NTN1: variants seen among roughly 807,000 people sequenced by gnomAD.
The protein encoded by NTN1 is netrin 1.
Under a neutral mutation model 54.2 loss-of-function variants are expected in NTN1, and 11 were observed. That is an observed-to-expected ratio of 0.20 (90% CI 0.13 to 0.34). The LOEUF (loss-of-function observed/expected upper bound fraction) is 0.34, where lower values mean the gene tolerates loss of function less well. Ranked by LOEUF, NTN1 falls within the 10% of genes least tolerant of loss-of-function variation. The pLI is 1.00. For synonymous variants in NTN1, 371 were observed against 382.0 expected (o/e 0.97, Z 0.33); for missense variants, 740 against 893.1 (o/e 0.83, Z 2.18).
rs1409205183 is a variant in NTN1 at position 9,221,910 on chromosome 17, C to T, written c.1486+668C>T. Among the ~76,000 whole-genome samples the T allele has an allele frequency of 6.6e-6, 1 of 152,116 alleles. No individual in the cohort carries two copies. Among genetic ancestry groups the T allele is most frequent in the African/African-American group, 2.4e-5 (1 of 41,418 alleles). On this transcript the variant is annotated intron_variant, in intron 6 of 6. Transcript: ENST00000173229. The surrounding 1 kb of genome is among the most constrained non-coding windows in gnomAD (Gnocchi z 4.5). The stretch of plus-strand genomic sequence containing the variant: ...GGTCTGGGAGCCTGCAGGAGGAGGG[C>T]CCCGCAGTGGCCAGCGGGCAGGTGT...
At chr17:9,017,708 C>A (rs2091834824), upstream of NTN1, among the ~76,000 whole-genome samples, 1 of 152,226 alleles carries the variant, frequency 6.6e-6, no homozygotes, top group South Asian at 2.1e-4. Flanking sequence ...GCGTTTTGAA[C>A]TCCAGTTTGC....
chr17:9,014,638 C>T, the NTN1 span, among the ~76,000 whole-genome samples: 19 of 152,238 alleles, frequency 1.2e-4, no homozygotes, highest in Admixed American at 1.0e-3. Context: ...CAGGCCACTG[C>T]TCACCCTCCT....
At chr17:9,194,053 T>C (rs1904555409) in intron 5 of NTN1, among the ~76,000 whole-genome samples, 1 of 148,752 alleles carries the variant, frequency 6.7e-6, no homozygotes, top group African/African-American at 2.5e-5. Context: ...CTGGCCAACA[T>C]AGTGAAACCC....
chr17:9,044,390 A>G (rs142885847), intron 2 of NTN1, among the ~76,000 whole-genome samples: 2,709 of 151,976 alleles, frequency 0.018, 87 homozygotes, highest in African/African-American at 0.062. Context: ...GTGTGCCACC[A>G]TGCCTGGCTA....
At chr17:9,130,873 C>G (rs571909924) in intron 2 of NTN1, among the ~76,000 whole-genome samples, 2 of 152,354 alleles carry the variant, frequency 1.3e-5, no homozygotes, top group South Asian at 4.1e-4. Flanking sequence ...CACATGCATT[C>G]TCTCTTGATT....
chr17:9,162,708 A>C, intron 2 of NTN1, 105 bp from the exon 3 acceptor site: 1 of 1,044,536 alleles, frequency 9.6e-7, no homozygotes, highest in Non-Finnish European at 1.4e-6. Context: ...TGGCTCTGCT[A>C]GTGGAGAAGG....
chr17:9,027,381 G>T (rs2091874682), intron 2 of NTN1, among the ~76,000 whole-genome samples: 2 of 152,158 alleles, frequency 1.3e-5, no homozygotes, highest in Admixed American at 6.5e-5. Flanking sequence ...TAGAGATGAG[G>T]AAACCATGGC....
chr17:9,227,130 A>G lies in NTN1; in HGVS notation c.1486+5888A>G, dbSNP rs371031174. ...CCTCCTCCTGTCTGCGCTGCCTCCC[A>G]CGTCTCACACAACCGCTGTGCTCAC... On this transcript the variant is annotated intron_variant, in intron 6 of 6. Transcript: ENST00000173229. Among the ~76,000 whole-genome samples, 120 of 151,876 alleles carry G rather than the reference A, an allele frequency of 7.9e-4. 1 individual carries two copies. Among genetic ancestry groups the G allele is most frequent in the African/African-American group, 2.5e-3 (103 of 41,342 alleles).
In NTN1 at chr17:9,243,661, C is replaced by CGTTTCTTCCCA. The variant is rs1906306179; in HGVS notation, c.*3694_*3704dup. 1 of 152,278 alleles carries CGTTTCTTCCCA rather than the reference C, an allele frequency of 6.6e-6. No individual in the cohort carries two copies. Among genetic ancestry groups the CGTTTCTTCCCA allele is most frequent in the South Asian group, 2.1e-4 (1 of 4,812 alleles). The allele number at this position is 152,278 out of a possible 1,614,324, so 9.4% of individuals were successfully genotyped here. On this transcript the variant is annotated 3_prime_UTR_variant, in exon 7 of 7. Coordinates refer to ENST00000173229, the MANE Select transcript of NTN1 (RefSeq NM_004822.3). ...AACCAGTCCCACTCCTGTCATTGGA[C>CGTTTCTTCCCA]GTTTCTTCCCATTCCCTCCTCCCAA...
intron 5 of NTN1, among the ~76,000 whole-genome samples, chr17:9,200,042 T>C (rs560275561): frequency 2.0e-5 from 3 of 152,360 alleles, no homozygotes; most frequent in East Asian, 3.9e-4. Context: ...CTCATTGGCA[T>C]TGGCTTAACC....
chr17:9,079,247 T>C (rs1567705203), intron 2 of NTN1, among the ~76,000 whole-genome samples: 1 of 152,288 alleles, frequency 6.6e-6, no homozygotes, highest in East Asian at 1.9e-4. Flanking sequence ...GGGTCACCAT[T>C]CTTGCGGGGT....
intron 2 of NTN1, among the ~76,000 whole-genome samples, chr17:9,132,588 C>T (rs745636138): frequency 1.3e-5 from 2 of 152,144 alleles, no homozygotes; most frequent in Non-Finnish European, 2.9e-5. Flanking sequence ...AAGAATGACA[C>T]GTCCGGCCAG....
intron 2 of NTN1, among the ~76,000 whole-genome samples, chr17:9,046,061 A>T (rs966603848): frequency 6.6e-6 from 1 of 152,226 alleles, no homozygotes; most frequent in African/African-American, 2.4e-5. Context: ...ACTTTATCAA[A>T]ATTTAAAACT....
At chr17:9,153,621 C>T (rs146261019) in intron 2 of NTN1, among the ~76,000 whole-genome samples, 12 of 152,254 alleles carry the variant, frequency 7.9e-5, no homozygotes, top group East Asian at 7.7e-4. Context: ...GAGGGGGCCA[C>T]GGTCTGTTGA....
intron 2 of NTN1, among the ~76,000 whole-genome samples, chr17:9,102,328 A>G (rs917038082): frequency 1.5e-5 from 1 of 68,158 alleles, no homozygotes; most frequent in Non-Finnish European, 3.3e-5. Context: ...GGGAGCAAAC[A>G]TGTCCTTCAC....
chr17:9,193,929 A>AC (rs1567734860), intron 5 of NTN1, among the ~76,000 whole-genome samples: 2 of 137,362 alleles, frequency 1.5e-5, no homozygotes, highest in East Asian at 2.2e-4. Context: ...CTAAAAAAAA[A>AC]AAAAAAAAAA....
chr17:9,074,662 G>A (rs571008189), intron 2 of NTN1, among the ~76,000 whole-genome samples: 20 of 152,318 alleles, frequency 1.3e-4, no homozygotes, highest in African/African-American at 4.3e-4. Flanking sequence ...TACCAGCCCC[G>A]TGGGGAAGTC....
intron 2 of NTN1, among the ~76,000 whole-genome samples, chr17:9,024,476 CA>C (rs1194244827): frequency 1.3e-5 from 2 of 152,260 alleles, no homozygotes; most frequent in African/African-American, 4.8e-5. Flanking sequence ...CTCCCCATCT[CA>C]AACAGCCAGT....
intron 2 of NTN1, among the ~76,000 whole-genome samples, chr17:9,039,342 A>G (rs1218739010): frequency 6.6e-6 from 1 of 152,360 alleles, no homozygotes; most frequent in South Asian, 2.1e-4. Flanking sequence ...AGTTGAAAAC[A>G]TTGTAACTGT....
Sources: gnomAD v4.1 joint callset for allele counts (sites outside exome capture counted in the v4.1 genomes callset) on GRCh38, gnomAD v4.1.1 for gene constraint, Gnocchi (gnomAD v3.1) non-coding constraint, MANE v1.5 for transcripts, NCBI Gene and HGNC (gene_info 2026-07-23, HGNC 2026-07-21) for gene names.